Variants in AP4S1 observed in about 807,000 individuals in gnomAD.
The protein encoded by AP4S1 is adaptor related protein complex 4 subunit sigma 1.
A neutral mutation model predicts 19.8 loss-of-function variants in AP4S1; 23 were observed. That is an observed-to-expected ratio of 1.16 (90% CI 0.84 to 1.65). AP4S1 has a LOEUF of 1.65. AP4S1 is among the 40% of genes most tolerant of loss of function. The pLI is 0.00. For synonymous variants in AP4S1, 46 were observed against 54.1 expected (o/e 0.85, Z 0.66); for missense variants, 166 against 172.8 (o/e 0.96, Z 0.22).
chr14:31,058,719 C>T (rs548441223), intron 1 of AP4S1, among the ~76,000 whole-genome samples: 8 of 151,446 alleles, frequency 5.3e-5, no homozygotes, highest in South Asian at 4.2e-4. Flanking sequence ...AGGTACACAC[C>T]GCGATGCCTG....
chr14:31,033,253 A>AGGCTGGAGTCTCGCTCTGTCG lies in AP4S1; in HGVS notation c.-72+7466_-72+7467insGGCTGGAGTCTCGCTCTGTCG, dbSNP rs1566509340. ...TTTTGAGATGGAGTCTCGCTCTGTC[A>AGGCTGGAGTCTCGCTCTGTCG]CCCAGGCTGGAGTGCAGTGGCGTGA... On this transcript the variant is annotated intron_variant, in intron 1 of 5. Coordinates refer to ENST00000542754, the MANE Select transcript of AP4S1 (RefSeq NM_001128126.3). 2.2e-4 allele frequency among the ~76,000 whole-genome samples: 34 copies of AGGCTGGAGTCTCGCTCTGTCG among 151,734 alleles called. 1 individual carries two copies. The East Asian group carries it at 6.4e-3, about 29-fold the overall frequency.
chr14:31,073,155 A>T, intron 4 of AP4S1, 182 bp downstream of exon 4: 1 of 627,840 alleles, frequency 1.6e-6, no homozygotes. Flanking sequence ...TTACAAGCCT[A>T]TACATGCCTG....
rs1886696551 is a variant in AP4S1, at chr14:31,066,026, T to C, written c.-71-100T>C. The C allele has an allele frequency of 3.3e-5, 20 of 605,512 alleles. No homozygotes were observed. The South Asian group carries it at 4.0e-4, about 12-fold the overall frequency. 37.5% of individuals were successfully genotyped at this position (605,512 alleles called of 1,614,324 possible). On this transcript the variant is annotated intron_variant, in intron 1 of 5. Transcript: ENST00000542754. ...AAGACTGATATTATCAGATGATATT[T>C]ACTACTACTTTATTTACTGTTTATC...
intron 2 of AP4S1, among the ~76,000 whole-genome samples, chr14:31,067,639 C>G (rs912129120): frequency 1.3e-5 from 2 of 151,878 alleles, no homozygotes; most frequent in Admixed American, 6.6e-5. Context: ...CCGCCTCAGC[C>G]TCCTGAGTAG....
intron 1 of AP4S1, among the ~76,000 whole-genome samples, chr14:31,046,271 A>G (rs1885397922): frequency 6.6e-6 from 1 of 152,032 alleles, no homozygotes; most frequent in Non-Finnish European, 1.5e-5. Context: ...GATTTTTTAA[A>G]TCCCCAAAAC....
intron 1 of AP4S1, among the ~76,000 whole-genome samples, chr14:31,044,171 T>C (rs943725954): frequency 2.6e-5 from 4 of 152,164 alleles, no homozygotes; most frequent in Non-Finnish European, 5.9e-5. Context: ...AGTAACAATA[T>C]AGAATAAATA....
At chr14:31,054,884 A>AAC (rs1886016866) in intron 1 of AP4S1, among the ~76,000 whole-genome samples, 1 of 148,262 alleles carries the variant, frequency 6.7e-6, no homozygotes, top group South Asian at 2.1e-4. Flanking sequence ...AAAAAAAAAA[A>AAC]AAAAAAAAAA....
rs1057153122 is a variant in AP4S1 at position 31,062,200 on chromosome 14, G to C, written c.-71-3926G>C. Among the ~76,000 whole-genome samples the C allele has an allele frequency of 9.2e-5, 14 of 152,142 alleles. No individual in the cohort carries two copies. In the East Asian group the frequency reaches 2.7e-3, roughly 29 times the overall value. ...TGCAAACTCCACCTCCCAGGTTCAA[G>C]TGATTCTCCTGCCTCAGGCTCCCAA... is the stretch of plus-strand genomic sequence containing the variant. On this transcript the variant is annotated intron_variant, in intron 1 of 5. Coordinates refer to ENST00000542754, the MANE Select transcript of AP4S1 (RefSeq NM_001128126.3).
chr14:31,048,711 C>G (rs932751951), intron 1 of AP4S1, among the ~76,000 whole-genome samples: 1 of 152,084 alleles, frequency 6.6e-6, no homozygotes, highest in Admixed American at 6.6e-5. Context: ...TGCACTCCAG[C>G]CTGGGTGACA....
chr14:31,036,383 C>G (rs1884777332), intron 1 of AP4S1, among the ~76,000 whole-genome samples: 1 of 151,908 alleles, frequency 6.6e-6, no homozygotes, highest in East Asian at 1.9e-4. Context: ...GTACCTGGCC[C>G]ATATTTTTTA....
chr14:31,025,895 A>G (rs754176851), intron 1 of AP4S1, 108 bp downstream of exon 1: 1 of 1,597,844 alleles, frequency 6.3e-7, no homozygotes, highest in Non-Finnish European at 8.5e-7. Context: ...ACCGACCCCA[A>G]CGAGGTACCT....
At chr14:31,041,769 G>A (rs571186777) in intron 1 of AP4S1, among the ~76,000 whole-genome samples, 1 of 152,242 alleles carries the variant, frequency 6.6e-6, no homozygotes, top group South Asian at 2.1e-4. Flanking sequence ...CCCCTTGCAG[G>A]GCTTTTTCTT....
In AP4S1 at chr14:31,069,930, G is replaced by A. The variant is rs780294103; in HGVS notation, c.225+1G>A. 1 of 1,604,658 alleles carries A rather than the reference G, an allele frequency of 6.2e-7. No individual in the cohort carries two copies. Among genetic ancestry groups the A allele is most frequent in the Non-Finnish European group, 8.5e-7 (1 of 1,171,376 alleles). Reference sequence around the variant, plus strand: ...TGTGGTTGGAGTTAATGACACTGAGGTAAGATAATAGAAGAGCCCTTGGAA... The same window carrying A: ...TGTGGTTGGAGTTAATGACACTGAGATAAGATAATAGAAGAGCCCTTGGAA... On this transcript the variant is annotated splice_donor_variant, in intron 3 of 5. Coordinates refer to ENST00000542754, the MANE Select transcript of AP4S1 (RefSeq NM_001128126.3). LOFTEE classifies it high-confidence loss of function.
In AP4S1 at chr14:31,060,962, G is replaced by A. The variant is rs1470564534; in HGVS notation, c.-71-5164G>A. Among the ~76,000 whole-genome samples the A allele has an allele frequency of 2.6e-5, 4 of 151,792 alleles. 1 individual carries two copies. Among genetic ancestry groups the A allele is most frequent in the South Asian group, 2.1e-4 (1 of 4,806 alleles). Reference sequence around the variant, plus strand: ...TGCAGTGCAGTGGCACGATCTCGGTGCACTTCAACCTCCGCCTCCCGGGTT... The same window carrying A: ...TGCAGTGCAGTGGCACGATCTCGGTACACTTCAACCTCCGCCTCCCGGGTT... On this transcript the variant is annotated intron_variant, in intron 1 of 5. Transcript: ENST00000542754.
chr14:31,091,611 G>A (rs1374298591), intron 5 of AP4S1, among the ~76,000 whole-genome samples: 1 of 151,246 alleles, frequency 6.6e-6, no homozygotes, highest in East Asian at 1.9e-4. Flanking sequence ...TATTTGCACA[G>A]AGCTTAATGA....
At chr14:31,054,909 A>G (rs1041475714) in intron 1 of AP4S1, among the ~76,000 whole-genome samples, 1 of 147,306 alleles carries the variant, frequency 6.8e-6, no homozygotes, top group Non-Finnish European at 1.5e-5. Flanking sequence ...GTGACAGGTC[A>G]TACTGATAGT....
chr14:31,054,886 A>C (rs904462099), intron 1 of AP4S1, among the ~76,000 whole-genome samples: 10 of 147,912 alleles, frequency 6.8e-5, no homozygotes, highest in Non-Finnish European at 1.0e-4. Context: ...AAAAAAAAAA[A>C]AAAAAAAAAA....
intron 5 of AP4S1, among the ~76,000 whole-genome samples, chr14:31,086,875 T>C (rs1219011216): frequency 6.6e-6 from 1 of 151,966 alleles, no homozygotes; most frequent in Non-Finnish European, 1.5e-5. Context: ...AAAATTTTTT[T>C]ACAGTCAGGG....
At chr14:31,044,432 C>T (rs1281301977) in intron 1 of AP4S1, among the ~76,000 whole-genome samples, 3 of 152,102 alleles carry the variant, frequency 2.0e-5, no homozygotes, top group Admixed American at 6.6e-5. Flanking sequence ...GCCTCAGTCT[C>T]CTGGGCTGAA....
Sources: gnomAD v4.1 joint callset for allele counts (sites outside exome capture counted in the v4.1 genomes callset) on GRCh38, gnomAD v4.1.1 for gene constraint, MANE v1.5 for transcripts, NCBI Gene and HGNC (gene_info 2026-07-23, HGNC 2026-07-21) for gene names.